Variants in PCSK5 observed in about 807,000 individuals in gnomAD.
PCSK5 encodes the protein prohormone convertase 5.
Under a neutral mutation model 233.2 loss-of-function variants are expected in PCSK5, and 129 were observed. The ratio of observed to expected loss-of-function variants is 0.55; its 90% confidence interval spans 0.48 to 0.64. The LOEUF (loss-of-function observed/expected upper bound fraction) is 0.64, where lower values mean the gene tolerates loss of function less well. PCSK5 is among the 30% of genes least tolerant of loss of function. The pLI is 0.00. For synonymous variants in PCSK5, 825 were observed against 879.2 expected, an observed-to-expected ratio of 0.94 and a Z score of 1.09; for missense variants, 2,076 against 2,430.1, an observed-to-expected ratio of 0.85 and a Z score of 3.06.
chr9:76,107,571 G>A (rs1190495275), intron 9 of PCSK5, among the ~76,000 whole-genome samples: 3 of 152,156 alleles, frequency 2.0e-5, no homozygotes, highest in Non-Finnish European at 4.4e-5. Context: ...ATCAAACTGT[G>A]TAATTACTTT....
intron 10 of PCSK5, among the ~76,000 whole-genome samples, chr9:76,147,564 C>G (rs1823490421): frequency 6.9e-6 from 1 of 145,628 alleles, no homozygotes; most frequent in Non-Finnish European, 1.5e-5. Context: ...TGGGCCTTAC[C>G]TCAAAACTCC....
rs1827289110 is a variant in PCSK5, at chr9:76,264,953, A to AC, written c.3142+24270dup. 1.3e-5 allele frequency among the ~76,000 whole-genome samples: 2 copies of AC among 152,146 alleles called. 1 individual carries two copies. Among genetic ancestry groups the AC allele is most frequent in the South Asian group, 4.1e-4 (2 of 4,830 alleles). ...ATCCTTCTGACAAAAAGACACCTGC[A>AC]CTCACATGTTTATCACAGCACTATT... is the stretch of plus-strand genomic sequence containing the variant. On this transcript the variant is annotated intron_variant, in intron 24 of 37. Transcript: ENST00000674117.
intron 7 of PCSK5, among the ~76,000 whole-genome samples, chr9:76,077,984 C>A (rs1446041245): frequency 6.6e-6 from 1 of 152,208 alleles, no homozygotes; most frequent in Non-Finnish European, 1.5e-5. Flanking sequence ...AGTCTCCAGA[C>A]TGCCTTCCAC....
chr9:75,959,787 G>A (rs1337281492), intron 2 of PCSK5, among the ~76,000 whole-genome samples: 1 of 152,192 alleles, frequency 6.6e-6, no homozygotes, highest in Non-Finnish European at 1.5e-5. Flanking sequence ...CTATTTATTG[G>A]ATACTCACCA....
chr9:76,079,131 A>T lies in PCSK5; in HGVS notation c.894+7233A>T, dbSNP rs1181414272. ...TTTTTTTTAAATCGAGATGGAGTTCACCCTGTCACCCAGGTTGGAGTGCAG... is the reference window on the plus strand; with the variant it reads ...TTTTTTTTAAATCGAGATGGAGTTCTCCCTGTCACCCAGGTTGGAGTGCAG... On this transcript the variant is annotated intron_variant, in intron 7 of 37. Transcript: ENST00000674117. Among the ~76,000 whole-genome samples the T allele has an allele frequency of 5.3e-5, 8 of 150,912 alleles. No homozygotes were observed. In the East Asian group the frequency reaches 1.4e-3, roughly 26 times the overall value.
intron 24 of PCSK5, among the ~76,000 whole-genome samples, chr9:76,246,353 A>C (rs1255174593): frequency 1.4e-5 from 2 of 143,060 alleles, no homozygotes; most frequent in East Asian, 3.9e-4. Context: ...AAAAAAAAAA[A>C]AAAAAAAAAA....
At chr9:76,045,029 C>A (rs1254321553) in intron 5 of PCSK5, among the ~76,000 whole-genome samples, 1 of 152,200 alleles carries the variant, frequency 6.6e-6, no homozygotes, top group Non-Finnish European at 1.5e-5. Flanking sequence ...CACCATGTTT[C>A]TTTCCTCATA....
At chr9:75,983,708 C>T (rs773149433) in intron 2 of PCSK5, among the ~76,000 whole-genome samples, 1 of 152,194 alleles carries the variant, frequency 6.6e-6, no homozygotes, top group Non-Finnish European at 1.5e-5. Context: ...TTCTCTTAGG[C>T]TGACCATAGT....
intron 5 of PCSK5, among the ~76,000 whole-genome samples, chr9:76,030,057 C>T (rs1294289586): frequency 1.3e-5 from 2 of 151,716 alleles, no homozygotes; most frequent in African/African-American, 4.8e-5. Context: ...ATTTTATTCA[C>T]AGGAGTATAC....
At position 75,891,335 on chromosome 9, in the gene PCSK5, C is replaced by A; in HGVS notation, c.154C>A (p.Arg52Ser). 6.4e-7 allele frequency: 1 copy of A among 1,563,920 alleles called. No homozygotes were observed. The highest frequency in any genetic ancestry group is 1.4e-5 in the African/African-American group (1 of 71,146). ...KIAGGFPEAN[R>S]IASKYGFINI... ...CGCCGGGGGCTTCCCGGAGGCCAAC[C>A]GTATCGCCAGCAAGTACGGATTCAT... Residue 52 changes from arginine to serine, a missense_variant, in exon 1 of 38, where the codon CGT (arginine) becomes AGT (serine). Physicochemically the swap from Arg to Ser is moderately radical, Grantham distance 110. Around this residue, in one of 6 missense-constraint regions of PCSK5, gnomAD observed 190 missense variants for 216.3 expected, o/e 0.88. Transcript: ENST00000674117.
chr9:76,193,211 TTC>T, intron 20 of PCSK5: 1 of 1,609,532 alleles, frequency 6.2e-7, no homozygotes, highest in Non-Finnish European at 8.5e-7. Flanking sequence ...TCAACTCCCC[TTC>T]TCTCTTGCTG....
intron 7 of PCSK5, among the ~76,000 whole-genome samples, chr9:76,079,891 T>C (rs1269730993): frequency 1.3e-5 from 2 of 152,214 alleles, no homozygotes; most frequent in East Asian, 3.8e-4. Flanking sequence ...TTGGATTATA[T>C]TGAAATATTT....
chr9:76,302,070 G>A, intron 27 of PCSK5, 67 bp from the exon 28 acceptor site: 1 of 698,184 alleles, frequency 1.4e-6, no homozygotes, highest in South Asian at 1.6e-5. Context: ...GTTTATAGGT[G>A]AAGTTTATCT....
intron 24 of PCSK5, among the ~76,000 whole-genome samples, chr9:76,267,840 C>A (rs1262168534): frequency 6.6e-6 from 1 of 152,054 alleles, no homozygotes; most frequent in Non-Finnish European, 1.5e-5. Context: ...TTTTTGTTCT[C>A]TTTAAGAATG....
chr9:76,239,000 G>T lies in PCSK5; in HGVS notation c.2908G>T (p.Gly970Ter). ...GCACTTCCTGTACCAGGGAGAGTGT[G>T]GAGATAGCTGCCCAGAGGGCCACTA... ...REHFLYQGEC[G>*]DSCPEGHYAT... The change falls in exon 23 of 38, where the codon GGA (glycine) becomes TGA (stop). Residue 970 changes from glycine (G) to a stop codon, truncating the protein, a stop_gained. Coordinates refer to ENST00000674117, the MANE Select transcript of PCSK5 (RefSeq NM_001372043.1). LOFTEE classifies it high-confidence loss of function. 6.2e-7 allele frequency: 1 copy of T among 1,611,980 alleles called. No homozygotes were observed. Among genetic ancestry groups the T allele is most frequent in the Non-Finnish European group, 8.5e-7 (1 of 1,179,572 alleles).
chr9:76,145,906 A>T (rs1347345598), intron 10 of PCSK5, among the ~76,000 whole-genome samples: 1 of 152,212 alleles, frequency 6.6e-6, no homozygotes, highest in Non-Finnish European at 1.5e-5. Flanking sequence ...GCTGAAAATT[A>T]ATCCTTCCCT....
At chr9:76,163,896 T>G (rs1346721528) in intron 12 of PCSK5, among the ~76,000 whole-genome samples, 1 of 148,826 alleles carries the variant, frequency 6.7e-6, no homozygotes, top group Non-Finnish European at 1.5e-5. Flanking sequence ...TCTCCCTTAT[T>G]GAGTTTTAGA....
intron 34 of PCSK5, among the ~76,000 whole-genome samples, chr9:76,333,567 T>C (rs1829596133): frequency 6.6e-6 from 1 of 152,216 alleles, no homozygotes; most frequent in Admixed American, 6.5e-5. Flanking sequence ...TAGGAAGAAC[T>C]GTTAGTGTTA....
intron 1 of PCSK5, among the ~76,000 whole-genome samples, chr9:75,910,955 T>C (rs970142997): frequency 6.6e-6 from 1 of 152,188 alleles, no homozygotes; most frequent in Non-Finnish European, 1.5e-5. Context: ...TTTCCAACTG[T>C]TGAAATGAAT....
Sources: gnomAD v4.1 joint callset for allele counts (sites outside exome capture counted in the v4.1 genomes callset) on GRCh38, gnomAD v4.1.1 for gene constraint, gnomAD v4.1.1 regional missense constraint, MANE v1.5 for transcripts, NCBI Gene and HGNC (gene_info 2026-07-23, HGNC 2026-07-21) for gene names.